Variants in RBFOX1 observed in about 807,000 individuals in gnomAD.
RBFOX1 encodes the protein RNA binding fox-1 homolog 1.
A neutral mutation model predicts 57.7 loss-of-function variants in RBFOX1; 8 were observed. The observed-to-expected ratio is 0.14, with a 90% CI of 0.08 to 0.25. The LOEUF (loss-of-function observed/expected upper bound fraction) is 0.25, where lower values mean the gene tolerates loss of function less well. Ranked by LOEUF, RBFOX1 falls within the 10% of genes least tolerant of loss-of-function variation. The pLI is 1.00. For synonymous variants in RBFOX1, 326 were observed against 222.4 expected (o/e 1.47, Z -4.15); for missense variants, 611 against 548.5 (o/e 1.11, Z -1.14).
intron 11 of RBFOX1, among the ~76,000 whole-genome samples, chr16:7,645,078 G>A (rs1020581803): frequency 1.3e-5 from 2 of 152,192 alleles, no homozygotes; most frequent in African/African-American, 4.8e-5. Flanking sequence ...AATCAGGCCA[G>A]CACGTTGTCA....
intron 4 of RBFOX1, among the ~76,000 whole-genome samples, chr16:5,956,670 A>ATTTT (rs1303621980): frequency 6.5e-5 from 3 of 45,856 alleles, no homozygotes; most frequent in Non-Finnish European, 8.1e-5. Flanking sequence ...ATATATATAT[A>ATTTT]TATATATATT....
At chr16:6,433,755 T>C (rs934405244) in intron 2 of RBFOX1, among the ~76,000 whole-genome samples, 1 of 151,916 alleles carries the variant, frequency 6.6e-6, no homozygotes, top group Non-Finnish European at 1.5e-5. Context: ...TGGCTCATGG[T>C]CCCTTCCTCC....
rs766048588 is a variant in RBFOX1 at position 6,566,666 on chromosome 16, C to T, written c.-63-87937C>T. ...ACCCCTTTACGCACACTCCTCAAGT[C>T]TGTCTTCTCCACAGGCTAAATCAGT... On this transcript the variant is annotated intron_variant, in intron 2 of 15. Coordinates refer to ENST00000550418, the MANE Select transcript of RBFOX1 (RefSeq NM_018723.4). Among the ~76,000 whole-genome samples, 4 of 152,208 alleles carry T rather than the reference C, an allele frequency of 2.6e-5. No homozygotes were observed. In the South Asian group the frequency reaches 8.3e-4, roughly 31 times the overall value.
rs141545713 is a variant in RBFOX1, at chr16:6,698,496, G to A, written c.-16+43846G>A. 4.1e-3 allele frequency among the ~76,000 whole-genome samples: 617 copies of A among 152,250 alleles called. 4 individuals are homozygous for A. The highest frequency in any genetic ancestry group is 0.014 in the African/African-American group (591 of 41,558). On this transcript the variant is annotated intron_variant, in intron 3 of 15. Transcript: ENST00000550418. ...ATTATCTCTTCCTGGGCTGGGCCCT[G>A]TCTTTCCCCATGAGCGCTTAACTCT...
At chr16:5,241,296 G>C (rs1288596253) in intron 1 of RBFOX1, among the ~76,000 whole-genome samples, 1 of 152,208 alleles carries the variant, frequency 6.6e-6, no homozygotes, top group Non-Finnish European at 1.5e-5. Flanking sequence ...AATTTTCTCT[G>C]AGATTCTGGG....
chr16:6,929,493 C>G (rs559675574), intron 3 of RBFOX1, among the ~76,000 whole-genome samples: 3 of 152,152 alleles, frequency 2.0e-5, no homozygotes, highest in Admixed American at 1.3e-4. Context: ...TGACACAGTG[C>G]TTTGCTTTAT....
chr16:6,911,028 C>G (rs909621147), intron 3 of RBFOX1, among the ~76,000 whole-genome samples: 4 of 151,892 alleles, frequency 2.6e-5, no homozygotes, highest in South Asian at 2.1e-4. Flanking sequence ...TGGTGAAACC[C>G]CGTCTCTACC....
intron 1 of RBFOX1, among the ~76,000 whole-genome samples, chr16:6,093,355 G>C (rs7201506): frequency 0.92 from 140,374 of 152,184 alleles, 64,876 homozygotes; most frequent in African/African-American, 0.96. Context: ...GGGAAGATCT[G>C]TTGAGACCAA....
chr16:5,851,720 G>A (rs1282934135), intron 3 of RBFOX1, among the ~76,000 whole-genome samples: 4 of 152,294 alleles, frequency 2.6e-5, no homozygotes, highest in East Asian at 1.9e-4. Context: ...TTTTGGCTCC[G>A]TAAATACTGT....
At chr16:5,668,734 C>T (rs567101954) in intron 3 of RBFOX1, among the ~76,000 whole-genome samples, 1 of 152,210 alleles carries the variant, frequency 6.6e-6, no homozygotes, top group Non-Finnish European at 1.5e-5. Context: ...TCCTCCTCTC[C>T]TCCCTCCCAC....
intron 3 of RBFOX1, among the ~76,000 whole-genome samples, chr16:6,996,470 T>A (rs2153623075): frequency 6.6e-6 from 1 of 152,316 alleles, no homozygotes; most frequent in African/African-American, 2.4e-5. Flanking sequence ...TGTATATATA[T>A]CCATCCTCCT....
intron 2 of RBFOX1, among the ~76,000 whole-genome samples, chr16:6,404,149 C>G (rs888156583): frequency 3.3e-5 from 5 of 152,142 alleles, no homozygotes; most frequent in Non-Finnish European, 7.4e-5. Context: ...TAAATTGCAT[C>G]TATACTGAAC....
chr16:5,797,258 G>T (rs74006300), intron 3 of RBFOX1, among the ~76,000 whole-genome samples: 3,462 of 152,206 alleles, frequency 0.023, 116 homozygotes, highest in African/African-American at 0.077. Flanking sequence ...AAACTACATA[G>T]ACTGGATTTG....
intron 4 of RBFOX1, among the ~76,000 whole-genome samples, chr16:7,245,175 CTA>C (rs2094239509): frequency 6.6e-6 from 1 of 152,150 alleles, no homozygotes; most frequent in Admixed American, 6.5e-5. Flanking sequence ...ACATGTCTCT[CTA>C]GATCCTAACT....
At chr16:7,292,191 AGAACG>A (rs2095796231) in intron 4 of RBFOX1, among the ~76,000 whole-genome samples, 1 of 123,578 alleles carries the variant, frequency 8.1e-6, no homozygotes, top group African/African-American at 3.0e-5. Context: ...TATATGATAT[AGAACG>A]TATTATATAT....
chr16:6,342,808 C>A (rs1233777106), intron 2 of RBFOX1, among the ~76,000 whole-genome samples: 2 of 152,158 alleles, frequency 1.3e-5, no homozygotes, highest in African/African-American at 4.8e-5. Flanking sequence ...CTCACAAGCT[C>A]GTCTATGCTA....
chr16:7,470,441 A>G (rs1035744695), intron 4 of RBFOX1, among the ~76,000 whole-genome samples: 7 of 152,002 alleles, frequency 4.6e-5, no homozygotes, highest in African/African-American at 1.7e-4. Context: ...GGTTGGATGA[A>G]TGAGTGGGTG....
intron 4 of RBFOX1, among the ~76,000 whole-genome samples, chr16:7,252,695 CT>C (rs541617900): frequency 5.4e-3 from 759 of 141,128 alleles, no homozygotes; most frequent in Middle Eastern, 7.5e-3. Context: ...CATTTACATC[CT>C]TTTTTTTTTT....
chr16:6,394,510 T>TC (rs1453916684), intron 2 of RBFOX1, among the ~76,000 whole-genome samples: 1 of 151,684 alleles, frequency 6.6e-6, no homozygotes, highest in East Asian at 1.9e-4. Context: ...AAAATTGCTT[T>TC]TTTTTTGTGA....
Sources: gnomAD v4.1 joint callset for allele counts (sites outside exome capture counted in the v4.1 genomes callset) on GRCh38, gnomAD v4.1.1 for gene constraint, MANE v1.5 for transcripts, NCBI Gene and HGNC (gene_info 2026-07-23, HGNC 2026-07-21) for gene names.